Variants in GOLGA3 observed in about 807,000 individuals in gnomAD.
GOLGA3 encodes golgin A3.
Under a neutral mutation model 169.4 loss-of-function variants are expected in GOLGA3, and 75 were observed. The ratio of observed to expected loss-of-function variants is 0.44; its 90% CI spans 0.37 to 0.54. The LOEUF is 0.54. GOLGA3 is among the 20% of genes least tolerant of loss of function. The pLI, the probability that GOLGA3 is intolerant of heterozygous loss-of-function variation, is 0.00. For missense variants in GOLGA3, 1,899 were observed against 1,930.0 expected (o/e 0.98, Z 0.30); for synonymous variants, 824 against 822.4 (o/e 1.00, Z -0.03).
At chr12:132,811,229 C>T (rs1949693163) in intron 4 of GOLGA3, among the ~76,000 whole-genome samples, 1 of 151,612 alleles carries the variant, frequency 6.6e-6, no homozygotes, top group South Asian at 2.1e-4. Context: ...TCTTTTATCT[C>T]TTTGTCTTGT....
chr12:132,786,912 T>C, intron 13 of GOLGA3, 125 bp from the exon 14 acceptor site: 1 of 682,292 alleles, frequency 1.5e-6, no homozygotes, highest in Non-Finnish European at 2.6e-6. Flanking sequence ...ACTTGGGCCT[T>C]GAGAAAAATC....
chr12:132,776,399 G>A (rs1264928131), intron 21 of GOLGA3, among the ~76,000 whole-genome samples: 30 of 125,790 alleles, frequency 2.4e-4, no homozygotes, highest in African/African-American at 8.8e-4. Flanking sequence ...ACAGGTACCC[G>A]CAGCAGCTGC....
rs79082946 is a variant in GOLGA3, at chr12:132,816,710, G to T, written c.236C>A (p.Pro79Gln). Residue 79 changes from proline (P) to glutamine (Q), a missense_variant, in exon 3 of 24, where the codon CCG becomes CAG. Pro to Gln is a moderately conservative substitution (Grantham distance 76). Transcript: ENST00000450791. ...GCTTGTGGTGGGATCGAGAGACGAC[G>T]GAGGGTCTGGGAAGGGTGGCGTTGG... ...NGPTPPFPDP[P>Q]SSLDPTTSPV... 5.7e-3 allele frequency: 9,199 copies of T among 1,614,084 alleles called. 403 individuals carry two copies. The African/African-American group carries it at 0.1, about 18-fold the overall frequency.
chr12:132,778,406 C>A (rs562206547), intron 18 of GOLGA3, among the ~76,000 whole-genome samples: 1,652 of 152,186 alleles, frequency 0.011, 17 homozygotes, highest in Middle Eastern at 0.021. Flanking sequence ...CCCGTCTCTA[C>A]TAAAAATACA....
At chr12:132,786,927 G>C in intron 13 of GOLGA3, 140 bp from the exon 14 acceptor site, 1 of 645,170 alleles carries the variant, frequency 1.5e-6, no homozygotes, top group South Asian at 1.8e-5. Flanking sequence ...AAAATCCTGA[G>C]AGAGACGTCT....
chr12:132,783,815 A>C (rs1195948128), intron 16 of GOLGA3: 2 of 991,420 alleles, frequency 2.0e-6, no homozygotes, highest in Non-Finnish European at 2.8e-6. Flanking sequence ...TAACCTCATG[A>C]TCCGCCCACC....
chr12:132,787,066 G>A (rs995979965), intron 13 of GOLGA3, among the ~76,000 whole-genome samples: 15 of 152,100 alleles, frequency 9.9e-5, no homozygotes, highest in Non-Finnish European at 1.8e-4. Flanking sequence ...TGATTCTCCT[G>A]CCTCAGCCTC....
At chr12:132,774,018 T>G in intron 23 of GOLGA3, 139 bp downstream of exon 23, 1 of 697,422 alleles carries the variant, frequency 1.4e-6, no homozygotes, top group African/African-American at 1.8e-5. Flanking sequence ...TCAGAGGCTA[T>G]GTATGCGAGT....
intron 23 of GOLGA3, 127 bp downstream of exon 23, chr12:132,774,030 C>T: frequency 1.2e-6 from 1 of 816,578 alleles, no homozygotes; most frequent in Non-Finnish European, 1.9e-6. Flanking sequence ...TATGCGAGTC[C>T]CCCACCCTTA....
rs1262547979 is a variant in GOLGA3 at position 132,787,657 on chromosome 12, AG to A, written c.2812-871del. 4.4e-4 allele frequency among the ~76,000 whole-genome samples: 39 copies of A among 89,522 alleles called. 5 individuals carry two copies. The highest frequency in any genetic ancestry group is 7.1e-3 in the Middle Eastern group (1 of 140). 58.7% of individuals were successfully genotyped at this position (89,522 alleles called of 152,430 possible). A position where few individuals can be genotyped will look rare whatever the true frequency, so the allele number is the denominator to read the frequency against. The stretch of plus-strand genomic sequence containing the variant: ...CGGAGACCACGGGACCCCTCCCCGG[AG>A]ACCCCGGGACCCCTCCCCGGAGACC... On this transcript the variant is annotated intron_variant, in intron 13 of 23. Coordinates refer to ENST00000450791, the MANE Select transcript of GOLGA3 (RefSeq NM_001389683.1).
Position 132,805,020 on chromosome 12 carries a change from T to C in GOLGA3, c.1293A>G (p.Ala431=), listed in dbSNP as rs541970589. The change falls in exon 7 of 24, where the codon GCA becomes GCG. Residue 431 remains alanine (A), a splice_region_variant and synonymous_variant. Coordinates refer to ENST00000450791, the MANE Select transcript of GOLGA3 (RefSeq NM_001389683.1). ...CCTGCAGCTCAGCCTTCTCTTTAAG[T>C]GCCTGAAAAGATCCCAACAACCACA... ...LEALSLEASQ[A]LKEKAELQAQ... is the part of the protein sequence containing the mutation. 1.9e-6 allele frequency: 3 copies of C among 1,605,376 alleles called. No individual in the cohort carries two copies. The highest frequency in any genetic ancestry group is 4.5e-5 in the East Asian group (2 of 44,812).
intron 1 of GOLGA3, chr12:132,828,429 A>T (rs1411927450): frequency 6.6e-6 from 1 of 152,250 alleles, no homozygotes; most frequent in East Asian, 1.9e-4. Flanking sequence ...TGAAACCCCG[A>T]CTTCCCACGA....
chr12:132,775,197 G>C lies in GOLGA3; in HGVS notation c.4087C>G (p.Leu1363Val). The change falls in exon 22 of 24, where the codon CTG (leucine) becomes GTG (valine). Residue 1363 changes from leucine to valine, a missense_variant. Leu to Val is a conservative substitution (Grantham distance 32). Transcript: ENST00000450791. ...VSELKNNMKT[L>V]LQQNQQLKLD... is the part of the protein sequence containing the mutation. ...TTGAGCTGCTGGTTCTGCTGGAGCA[G>C]GGTCTTCATGTTGTTCTTCAGCTCC... The C allele has an allele frequency of 6.2e-7, 1 of 1,614,192 alleles. No individual in the cohort carries two copies. The highest frequency in any genetic ancestry group is 8.5e-7 in the Non-Finnish European group (1 of 1,180,002).
chr12:132,820,916 A>G (rs1326588940), intron 2 of GOLGA3, among the ~76,000 whole-genome samples: 3 of 151,978 alleles, frequency 2.0e-5, no homozygotes, highest in Admixed American at 2.0e-4. Flanking sequence ...CCTGGCCAAC[A>G]TGGTGAAACC....
At chr12:132,825,674 G>A (rs535370652) in intron 1 of GOLGA3, 13 of 954,126 alleles carry the variant, frequency 1.4e-5, no homozygotes, top group East Asian at 2.4e-5. Flanking sequence ...GAAACTGGAA[G>A]AGCACCTTTT....
intron 11 of GOLGA3, 61 bp downstream of exon 11, chr12:132,795,791 A>G: frequency 1.3e-6 from 2 of 1,496,028 alleles, no homozygotes; most frequent in South Asian, 2.5e-5. Flanking sequence ...GAAGCAAATA[A>G]TCAGCATCAT....
chr12:132,790,647 T>C (rs1306245474), intron 12 of GOLGA3, among the ~76,000 whole-genome samples: 1 of 152,182 alleles, frequency 6.6e-6, no homozygotes, highest in East Asian at 1.9e-4. Context: ...CAACAGGGTA[T>C]GCTGACAGGC....
chr12:132,794,818 A>G (rs774536929), intron 11 of GOLGA3, among the ~76,000 whole-genome samples: 1 of 152,240 alleles, frequency 6.6e-6, no homozygotes, highest in Non-Finnish European at 1.5e-5. Context: ...AGTACAGGTC[A>G]GTGTTTGTAG....
chr12:132,817,512 G>C (rs866033382), intron 2 of GOLGA3, among the ~76,000 whole-genome samples: 16 of 17,462 alleles, frequency 9.2e-4, no homozygotes, highest in Admixed American at 1.5e-3. Context: ...AGGTGAACCC[G>C]CACTCCACAC....
Sources: gnomAD v4.1 joint callset for allele counts (sites outside exome capture counted in the v4.1 genomes callset) on GRCh38, gnomAD v4.1.1 for gene constraint, MANE v1.5 for transcripts, NCBI Gene and HGNC (gene_info 2026-07-23, HGNC 2026-07-21) for gene names.